Variants in TAF1A observed in about 807,000 individuals in gnomAD.
The protein encoded by TAF1A is TATA-box binding protein associated factor, RNA polymerase I subunit A.
TAF1A carries 42 observed loss-of-function variants against 61.6 expected under a neutral mutation model. The observed-to-expected ratio is 0.68, with a 90% CI of 0.53 to 0.88. TAF1A has a LOEUF of 0.88. TAF1A is among the 40% of genes least tolerant of loss of function. TAF1A has a pLI of 0.00. For synonymous variants in TAF1A, 179 were observed against 177.7 expected (o/e 1.01, Z -0.06); for missense variants, 424 against 518.7 (o/e 0.82, Z 1.77).
intron 10 of TAF1A, among the ~76,000 whole-genome samples, chr1:222,560,304 ATG>A (rs1659863416): frequency 1.3e-5 from 2 of 152,226 alleles, no homozygotes; most frequent in African/African-American, 4.8e-5. Context: ...GGAGTAACTG[ATG>A]CCTGATATTT....
intron 5 of TAF1A, among the ~76,000 whole-genome samples, chr1:222,575,812 T>C (rs920711832): frequency 1.3e-5 from 2 of 152,222 alleles, no homozygotes; most frequent in Non-Finnish European, 2.9e-5. Context: ...AACTGTCAGC[T>C]ACGGAAAGGT....
chr1:222,565,003 A>C lies in TAF1A; in HGVS notation c.895-878T>G, dbSNP rs150631347. On this transcript the variant is annotated intron_variant, in intron 7 of 10. Transcript: ENST00000352967. ...ACTTAGATTTTTCTATTGAAATATA[A>C]CATGTAGTAGAAGTGCATACAAATC... 6.2e-3 allele frequency among the ~76,000 whole-genome samples: 950 copies of C among 152,330 alleles called. 7 individuals carry two copies. Among genetic ancestry groups the C allele is most frequent in the Admixed American group, 0.011 (170 of 15,296 alleles).
intron 5 of TAF1A, among the ~76,000 whole-genome samples, chr1:222,575,394 A>G (rs3002127): frequency 1 from 151,435 of 152,080 alleles, 75,398 homozygotes; most frequent in Middle Eastern, 1. Flanking sequence ...TGTAGTCCCA[A>G]GTCCTTGGGA....
chr1:222,586,501 A>G (rs1480244085), intron 2 of TAF1A, among the ~76,000 whole-genome samples: 1 of 152,212 alleles, frequency 6.6e-6, no homozygotes, highest in Non-Finnish European at 1.5e-5. Context: ...TGAGCAAAAG[A>G]TAGTCTTACT....
Position 222,569,478 on chromosome 1 carries a change from C to T in TAF1A, c.894+32G>A, listed in dbSNP as rs753643578. ...GAATGTTTTAATGTAGATTCCCAACCCTGGTCAAACATCGAGATAAAAATT... is the reference window on the plus strand; with the variant it reads ...GAATGTTTTAATGTAGATTCCCAACTCTGGTCAAACATCGAGATAAAAATT... On this transcript the variant is annotated intron_variant, in intron 7 of 10. Transcript: ENST00000352967. 3 of 1,613,336 alleles carry T rather than the reference C, an allele frequency of 1.9e-6. No individual in the cohort carries two copies. In the Admixed American group the frequency reaches 5.0e-5, roughly 27 times the overall value.
chr1:222,561,711 C>T (rs905227485), intron 9 of TAF1A, among the ~76,000 whole-genome samples, 193 bp from the exon 10 acceptor site: 3 of 152,188 alleles, frequency 2.0e-5, no homozygotes, highest in Non-Finnish European at 2.9e-5. Flanking sequence ...TCTTCCATCT[C>T]CATATCCCAT....
chr1:222,559,802 C>T (rs1659840073), intron 10 of TAF1A, among the ~76,000 whole-genome samples: 1 of 152,010 alleles, frequency 6.6e-6, no homozygotes, highest in African/African-American at 2.4e-5. Context: ...ACACTGCATG[C>T]CACCGCACCC....
intron 5 of TAF1A, among the ~76,000 whole-genome samples, chr1:222,576,205 T>C (rs1660566549): frequency 6.6e-6 from 1 of 152,152 alleles, no homozygotes; most frequent in Non-Finnish European, 1.5e-5. Flanking sequence ...AGCGATCCAA[T>C]GAGTCTTGAA....
chr1:222,579,998 A>C, intron 3 of TAF1A, 126 bp from the exon 4 acceptor site: 1 of 1,079,600 alleles, frequency 9.3e-7, no homozygotes, highest in South Asian at 1.7e-5. Flanking sequence ...CACTACCGTC[A>C]ACATTTTACT....
intron 9 of TAF1A, 89 bp downstream of exon 9, chr1:222,563,084 A>T: frequency 8.0e-7 from 1 of 1,251,308 alleles, no homozygotes; most frequent in Non-Finnish European, 1.1e-6. Context: ...TATAAAACAT[A>T]AGCAAAGATC....
intron 10 of TAF1A, among the ~76,000 whole-genome samples, chr1:222,560,066 G>A (rs1013221325): frequency 6.6e-6 from 1 of 152,018 alleles, no homozygotes; most frequent in Non-Finnish European, 1.5e-5. Flanking sequence ...TCCCAACAAG[G>A]AAAGACCCCT....
At position 222,589,851 on chromosome 1, in the gene TAF1A, G is replaced by A. The variant is rs181701139; in HGVS notation, c.-127C>T. The stretch of plus-strand genomic sequence containing the variant: ...ATGAGCAGGCGCTAAACCTGGTTTA[G>A]GTATTTAGGCAGCGCGCGGCCCGGC... On this transcript the variant is annotated 5_prime_UTR_variant, in exon 1 of 11. Transcript: ENST00000352967. 1.8e-5 allele frequency: 7 copies of A among 391,538 alleles called. No individual in the cohort carries two copies. The highest frequency in any genetic ancestry group is 1.2e-4 in the African/African-American group (6 of 48,606). 24.3% of individuals were successfully genotyped at this position (391,538 alleles called of 1,614,324 possible). A position where few individuals can be genotyped will look rare whatever the true frequency, so the allele number is the denominator to read the frequency against.
In TAF1A at chr1:222,577,095, A is replaced by T. The variant is rs369093175; in HGVS notation, c.604+350T>A. 2.6e-4 allele frequency among the ~76,000 whole-genome samples: 24 copies of T among 93,208 alleles called. No homozygotes were observed. In the East Asian group the frequency reaches 6.1e-3, roughly 24 times the overall value. The allele number at this position is 93,208 out of a possible 152,430, so 61.1% of individuals were successfully genotyped here. On this transcript the variant is annotated intron_variant, in intron 5 of 10. Transcript: ENST00000352967. ...CCCCACCCCCACCCTTTACAACCCCAAGTCACCTCCATAGAAATTGGAATG... is the reference window on the plus strand; with the variant it reads ...CCCCACCCCCACCCTTTACAACCCCTAGTCACCTCCATAGAAATTGGAATG...
chr1:222,580,118 GTAGTT>G (rs1660730915), intron 3 of TAF1A, among the ~76,000 whole-genome samples: 1 of 152,054 alleles, frequency 6.6e-6, no homozygotes. Flanking sequence ...TATTAATTTA[GTAGTT>G]TAAAGAAAGT....
chr1:222,579,722 T>C (rs1660709635), intron 4 of TAF1A, 37 bp downstream of exon 4: 3 of 1,580,028 alleles, frequency 1.9e-6, no homozygotes, highest in Non-Finnish European at 1.7e-6. Flanking sequence ...AAAAAAAGAA[T>C]ACTGCAAGTG....
intron 3 of TAF1A, among the ~76,000 whole-genome samples, chr1:222,580,086 T>C (rs1660728805): frequency 6.6e-6 from 1 of 152,316 alleles, no homozygotes; most frequent in East Asian, 1.9e-4. Flanking sequence ...TATTAAAATA[T>C]CAGATAGTAT....
rs2102666843 is a variant in TAF1A at position 222,577,632 on chromosome 1, T to C, written c.417A>G (p.Gln139=). 1 of 1,613,734 alleles carries C rather than the reference T, an allele frequency of 6.2e-7. No individual in the cohort carries two copies. The highest frequency in any genetic ancestry group is 8.5e-7 in the Non-Finnish European group (1 of 1,179,772). Residue 139 remains glutamine (Q), a synonymous_variant, in exon 5 of 11, where the codon CAA becomes CAG. Transcript: ENST00000352967. ...GVMNYLKISL[Q]HALYLLHHGM... ...CATGATGCAGAAGGTATAATGCATG[T>C]TGTAAGGAGATCTGCAAAAATAATA...
intron 8 of TAF1A, among the ~76,000 whole-genome samples, chr1:222,563,847 C>T (rs1286358888): frequency 6.6e-6 from 1 of 151,966 alleles, no homozygotes; most frequent in Non-Finnish European, 1.5e-5. Flanking sequence ...ATATTTTAAG[C>T]TTTGCAAGGC....
At chr1:222,566,210 G>C (rs1157742838) in intron 7 of TAF1A, among the ~76,000 whole-genome samples, 1 of 152,036 alleles carries the variant, frequency 6.6e-6, no homozygotes, top group East Asian at 1.9e-4. Flanking sequence ...TGGCCAATAA[G>C]CACATGAAAA....
Sources: allele counts gnomAD v4.1 joint callset (sites outside exome capture counted in the v4.1 genomes callset), GRCh38; gene constraint gnomAD v4.1.1; transcripts MANE v1.5; gene names NCBI Gene and HGNC (gene_info 2026-07-23, HGNC 2026-07-21).